The following HS2ST1 variants were observed in gnomAD, a reference collection of about 807,000 sequenced individuals.
HS2ST1 encodes 2-O-sulfotransferase.
Under a neutral mutation model 42.9 loss-of-function variants are expected in HS2ST1, and 18 were observed. The ratio of observed to expected loss-of-function variants is 0.42; its 90% CI spans 0.29 to 0.62. The LOEUF is 0.62. Ranked by LOEUF, HS2ST1 falls within the 20% of genes least tolerant of loss-of-function variation. The pLI is 0.21. For synonymous variants in HS2ST1, 146 were observed against 152.9 expected (o/e 0.95, Z 0.33); for missense variants, 334 against 433.8 (o/e 0.77, Z 2.04).
At position 86,981,582 on chromosome 1, in the gene HS2ST1, A is replaced by G. The variant is rs551378913; in HGVS notation, c.124+66422A>G. Reference sequence around the variant, plus strand: ...ACAAAGGGGCCATAGGCTCCATGCAAGTCAGAAACCCGGCCAGGCAGTCAT... The same window carrying G: ...ACAAAGGGGCCATAGGCTCCATGCAGGTCAGAAACCCGGCCAGGCAGTCAT... On this transcript the variant is annotated intron_variant, in intron 1 of 6. Transcript: ENST00000370550. Among the ~76,000 whole-genome samples, 8 of 152,354 alleles carry G rather than the reference A, an allele frequency of 5.3e-5. No individual in the cohort carries two copies. In the South Asian group the frequency reaches 1.2e-3, roughly 24 times the overall value.
chr1:86,997,072 A>G (rs7354923), intron 1 of HS2ST1, among the ~76,000 whole-genome samples: 3,587 of 152,246 alleles, frequency 0.024, 73 homozygotes, highest in African/African-American at 0.049. Context: ...AGTGATCTCC[A>G]TATTTATTCT....
At chr1:86,921,309 C>A (rs1467915700) in intron 1 of HS2ST1, among the ~76,000 whole-genome samples, 1 of 151,944 alleles carries the variant, frequency 6.6e-6, no homozygotes. Flanking sequence ...TCACTTTTTG[C>A]TTCATGTATT....
At chr1:87,076,057 A>G (rs1175265098) in intron 2 of HS2ST1, among the ~76,000 whole-genome samples, 2 of 152,198 alleles carry the variant, frequency 1.3e-5, no homozygotes, top group African/African-American at 2.4e-5. Flanking sequence ...TAAAACATCA[A>G]TTTGTGGTGA....
At chr1:87,044,166 T>G (rs888881707) in intron 1 of HS2ST1, among the ~76,000 whole-genome samples, 5 of 152,140 alleles carry the variant, frequency 3.3e-5, no homozygotes, top group African/African-American at 7.2e-5. Context: ...ATAAAAATCA[T>G]TAAATAAATA....
intron 1 of HS2ST1, among the ~76,000 whole-genome samples, chr1:86,983,996 C>T (rs970704048): frequency 3.3e-5 from 5 of 150,818 alleles, no homozygotes; most frequent in Admixed American, 6.6e-5. Flanking sequence ...GCTGAGATCG[C>T]GCCATTGAAC....
chr1:86,989,248 C>G (rs1358255616), intron 1 of HS2ST1, among the ~76,000 whole-genome samples: 1 of 152,164 alleles, frequency 6.6e-6, no homozygotes, highest in Non-Finnish European at 1.5e-5. Flanking sequence ...TAGGGCTAAG[C>G]CCATTAACTA....
Position 87,105,107 on chromosome 1 carries a change from A to G in HS2ST1, c.*411A>G, listed in dbSNP as rs1652301780. The G allele has an allele frequency of 5.8e-6, 1 of 172,558 alleles. No homozygotes were observed. Among genetic ancestry groups the G allele is most frequent in the South Asian group, 1.5e-4 (1 of 6,572 alleles). The allele number at this position is 172,558 out of a possible 1,614,324, so 10.7% of individuals were successfully genotyped here. A position where few individuals can be genotyped will look rare whatever the true frequency, so the allele number is the denominator to read the frequency against. ...TCTGCCTTCACTGAGGGTTTGGGTTATACACCTCTACTGAATTGTGTTAAT... is the reference window on the plus strand; with the variant it reads ...TCTGCCTTCACTGAGGGTTTGGGTTGTACACCTCTACTGAATTGTGTTAAT... On this transcript the variant is annotated 3_prime_UTR_variant, in exon 7 of 7. Coordinates refer to ENST00000370550, the MANE Select transcript of HS2ST1 (RefSeq NM_012262.4).
At chr1:87,015,066 T>C (rs1649711100) in intron 1 of HS2ST1, among the ~76,000 whole-genome samples, 3 of 134,640 alleles carry the variant, frequency 2.2e-5, no homozygotes. Context: ...GTTTGTTTGT[T>C]TGAGACAGAG....
At chr1:86,980,794 A>C (rs1648555921) in intron 1 of HS2ST1, among the ~76,000 whole-genome samples, 1 of 152,180 alleles carries the variant, frequency 6.6e-6, no homozygotes, top group South Asian at 2.1e-4. Context: ...ACAAAATGGA[A>C]AGTATGATTT....
At chr1:86,981,396 A>G (rs1648586914) in intron 1 of HS2ST1, among the ~76,000 whole-genome samples, 1 of 152,196 alleles carries the variant, frequency 6.6e-6, no homozygotes, top group South Asian at 2.1e-4. Flanking sequence ...TCATTCTAAC[A>G]TTAACCCAAA....
intron 1 of HS2ST1, among the ~76,000 whole-genome samples, chr1:87,000,385 C>T (rs1649247903): frequency 6.6e-6 from 1 of 152,150 alleles, no homozygotes; most frequent in East Asian, 1.9e-4. Flanking sequence ...AATTAAATGC[C>T]TGTTTCTAGT....
At chr1:86,942,846 C>T (rs1031664267) in intron 1 of HS2ST1, among the ~76,000 whole-genome samples, 11 of 152,266 alleles carry the variant, frequency 7.2e-5, no homozygotes, top group Middle Eastern at 6.8e-3. Context: ...AGCTTTGTGT[C>T]TGAACTCTAC....
chr1:86,976,704 G>GTATATATATATATATA (rs147039703), intron 1 of HS2ST1, among the ~76,000 whole-genome samples: 3,403 of 79,630 alleles, frequency 0.043, 398 homozygotes, highest in East Asian at 0.15. Context: ...TTATAAAATT[G>GTATATATATATATATA]TATATATATA....
At position 86,990,836 on chromosome 1, in the gene HS2ST1, ATTTT is replaced by A. The variant is rs55739816; in HGVS notation, c.124+75696_124+75699del. Reference sequence around the variant, plus strand: ...TTTATATATATATATATATATATATATTTTTTTTTTTTTTTTTTTTTTTAGTAGA... The same window carrying A: ...TTTATATATATATATATATATATATATTTTTTTTTTTTTTTTTTTAGTAGA... On this transcript the variant is annotated intron_variant, in intron 1 of 6. Transcript: ENST00000370550. 4.1e-3 allele frequency among the ~76,000 whole-genome samples: 179 copies of A among 44,178 alleles called. 3 individuals carry two copies. Among genetic ancestry groups the A allele is most frequent in the African/African-American group, 0.013 (159 of 12,576 alleles). 29.0% of individuals were successfully genotyped at this position (44,178 alleles called of 152,430 possible). A position where few individuals can be genotyped will look rare whatever the true frequency, so the allele number is the denominator to read the frequency against.
intron 6 of HS2ST1, among the ~76,000 whole-genome samples, chr1:87,104,205 G>A (rs1262804867): frequency 6.6e-6 from 1 of 152,112 alleles, no homozygotes; most frequent in Non-Finnish European, 1.5e-5. Context: ...TGAGGTGACA[G>A]CCTACACTTT....
At chr1:87,087,932 A>G (rs1048771502) in intron 3 of HS2ST1, among the ~76,000 whole-genome samples, 6 of 151,972 alleles carry the variant, frequency 3.9e-5, no homozygotes, top group African/African-American at 1.4e-4. Flanking sequence ...GTGTGATCTC[A>G]CCCACATTGT....
At chr1:87,084,426 C>T in intron 3 of HS2ST1, 147 bp downstream of exon 3, 1 of 540,844 alleles carries the variant, frequency 1.8e-6, no homozygotes, top group Admixed American at 3.7e-5. Flanking sequence ...TTAAATATAC[C>T]TTCTTAGTGT....
At chr1:87,016,382 C>T (rs766676659) in intron 1 of HS2ST1, among the ~76,000 whole-genome samples, 2 of 152,220 alleles carry the variant, frequency 1.3e-5, no homozygotes, top group Middle Eastern at 6.8e-3. Flanking sequence ...TAGTCTAATG[C>T]AGTTTTTTTC....
intron 1 of HS2ST1, among the ~76,000 whole-genome samples, chr1:86,947,074 G>A (rs1011434909): frequency 6.6e-6 from 1 of 152,210 alleles, no homozygotes; most frequent in Non-Finnish European, 1.5e-5. Flanking sequence ...ACCATAGAAT[G>A]ACATGAAGTG....
Sources: gnomAD v4.1 joint callset for allele counts (sites outside exome capture counted in the v4.1 genomes callset) on GRCh38, gnomAD v4.1.1 for gene constraint, MANE v1.5 for transcripts, NCBI Gene and HGNC (gene_info 2026-07-23, HGNC 2026-07-21) for gene names.